GALNT18: variants seen among roughly 807,000 people sequenced by gnomAD.
GALNT18 encodes the protein polypeptide N-acetylgalactosaminyltransferase 18, also known as GalNAc-transferase 18.
Under a neutral mutation model 69.5 loss-of-function variants are expected in GALNT18, and 44 were observed. That is an observed-to-expected ratio of 0.63 (90% CI 0.50 to 0.81). The LOEUF (loss-of-function observed/expected upper bound fraction) is 0.81, where lower values mean the gene tolerates loss of function less well. GALNT18 is among the 40% of genes least tolerant of loss of function. The pLI is 0.00. For synonymous variants in GALNT18, 364 were observed against 318.2 expected, an observed-to-expected ratio of 1.14 and a Z score of -1.53; for missense variants, 715 against 810.0, an observed-to-expected ratio of 0.88 and a Z score of 1.42.
At chr11:11,499,192 A>G (rs1478568568) in intron 1 of GALNT18, among the ~76,000 whole-genome samples, 1 of 152,208 alleles carries the variant, frequency 6.6e-6, no homozygotes, top group Non-Finnish European at 1.5e-5. Context: ...GACGGTCAAC[A>G]TTTAAGACCA....
intron 3 of GALNT18, among the ~76,000 whole-genome samples, chr11:11,401,944 C>A (rs1243714078): frequency 6.6e-6 from 1 of 152,212 alleles, no homozygotes; most frequent in African/African-American, 2.4e-5. Flanking sequence ...TAAGGAAGGG[C>A]TTTACAGAAG....
rs117570537 is a variant in GALNT18 at position 11,343,209 on chromosome 11, G to A, written c.1093-2205C>T. Among the ~76,000 whole-genome samples the A allele has an allele frequency of 1.6e-3, 236 of 152,114 alleles. 5 individuals are homozygous for A. The East Asian group carries it at 0.037, about 24-fold the overall frequency. ...AAATTTCAAAAAAAGTTACCCGGGC[G>A]TGGTGGCACGTGCCTGTAGTCCCAG... On this transcript the variant is annotated intron_variant, in intron 6 of 10. Transcript: ENST00000227756.
chr11:11,333,047 T>C (rs947011070), intron 7 of GALNT18, among the ~76,000 whole-genome samples: 1 of 150,876 alleles, frequency 6.6e-6, no homozygotes, highest in Non-Finnish European at 1.5e-5. Context: ...TGCCGGGCCT[T>C]GTCATCAAGG....
chr11:11,303,088 C>T (rs1469999069), intron 9 of GALNT18, among the ~76,000 whole-genome samples: 1 of 152,200 alleles, frequency 6.6e-6, no homozygotes, highest in Non-Finnish European at 1.5e-5. Context: ...CATCTGGGCA[C>T]TCCCCAGCCC....
At chr11:11,588,676 T>C (rs185754491) in intron 1 of GALNT18, among the ~76,000 whole-genome samples, 41 of 152,342 alleles carry the variant, frequency 2.7e-4, no homozygotes, top group Admixed American at 2.6e-3. Flanking sequence ...TTTAGCTCTG[T>C]TTCCTCTATC....
intron 3 of GALNT18, among the ~76,000 whole-genome samples, chr11:11,417,101 G>T (rs1305763180): frequency 2.0e-5 from 3 of 152,352 alleles, no homozygotes; most frequent in African/African-American, 7.2e-5. Flanking sequence ...ATTCAGGGAA[G>T]TGACTCACCC....
chr11:11,385,449 C>T (rs1854030248), intron 3 of GALNT18, among the ~76,000 whole-genome samples: 1 of 151,436 alleles, frequency 6.6e-6, no homozygotes, highest in Admixed American at 6.6e-5. Flanking sequence ...GCGCTCGCCA[C>T]CACATCCGGC....
intron 3 of GALNT18, among the ~76,000 whole-genome samples, chr11:11,392,858 A>G (rs1365128320): frequency 2.0e-5 from 3 of 152,236 alleles, no homozygotes; most frequent in Non-Finnish European, 2.9e-5. Flanking sequence ...ATGGAGGCTC[A>G]GCAATGCTAA....
rs1239105627 is a variant in GALNT18 at position 11,382,490 on chromosome 11, A to G, written c.596-3226T>C. Reference sequence around the variant, plus strand: ...CATAAACACACACACATACCTGTTCACATATAATATCTCTCAGAACTTCTT... The same window carrying G: ...CATAAACACACACACATACCTGTTCGCATATAATATCTCTCAGAACTTCTT... On this transcript the variant is annotated intron_variant, in intron 3 of 10. Coordinates refer to ENST00000227756, the MANE Select transcript of GALNT18 (RefSeq NM_198516.3). This position sits in a 1 kb window ranked among gnomAD's most constrained non-coding sequence, Gnocchi z 4.3. Among the ~76,000 whole-genome samples the G allele has an allele frequency of 6.6e-6, 1 of 152,202 alleles. No homozygotes were observed. Among genetic ancestry groups the G allele is most frequent in the East Asian group, 1.9e-4 (1 of 5,188 alleles).
intron 1 of GALNT18, among the ~76,000 whole-genome samples, chr11:11,472,429 G>T (rs1242870026): frequency 6.6e-6 from 1 of 152,198 alleles, no homozygotes; most frequent in African/African-American, 2.4e-5. Flanking sequence ...AATTCAAGAT[G>T]GGTATATTCA....
Position 11,452,544 on chromosome 11 carries a change from T to G in GALNT18, c.236-3608A>C, listed in dbSNP as rs555989958. On this transcript the variant is annotated intron_variant, in intron 1 of 10. Coordinates refer to ENST00000227756, the MANE Select transcript of GALNT18 (RefSeq NM_198516.3). Reference sequence around the variant, plus strand: ...GATGCTGACGCCTTCCAGCCCCACATGAAGGCTTTCCATGTCCATAGACAA... The same window carrying G: ...GATGCTGACGCCTTCCAGCCCCACAGGAAGGCTTTCCATGTCCATAGACAA... Among the ~76,000 whole-genome samples the G allele has an allele frequency of 2.4e-4, 36 of 152,328 alleles. 1 individual carries two copies. The highest frequency in any genetic ancestry group is 1.2e-3 in the South Asian group (6 of 4,830).
intron 9 of GALNT18, among the ~76,000 whole-genome samples, chr11:11,324,320 A>C (rs774632626): frequency 1.3e-5 from 2 of 152,232 alleles, no homozygotes; most frequent in Non-Finnish European, 2.9e-5. Context: ...AAAAGAAGTG[A>C]GCATATATGT....
At chr11:11,499,125 A>T (rs924303319) in intron 1 of GALNT18, among the ~76,000 whole-genome samples, 3 of 152,198 alleles carry the variant, frequency 2.0e-5, no homozygotes, top group Non-Finnish European at 4.4e-5. Flanking sequence ...GCAAACTGAT[A>T]ATCAGCTTTA....
rs957478747 is a variant in GALNT18, at chr11:11,541,032, C to T, written c.235+80327G>A. On this transcript the variant is annotated intron_variant, in intron 1 of 10. Coordinates refer to ENST00000227756, the MANE Select transcript of GALNT18 (RefSeq NM_198516.3). The surrounding 1 kb of genome is among the most constrained non-coding windows in gnomAD (Gnocchi z 4.8). Reference sequence around the variant, plus strand: ...AGAAATAGAATTACTTAAAGTGATGCTCCCTTGCTCCTGTTAAAACAGGGG... The same window carrying T: ...AGAAATAGAATTACTTAAAGTGATGTTCCCTTGCTCCTGTTAAAACAGGGG... Among the ~76,000 whole-genome samples the T allele has an allele frequency of 2.2e-4, 33 of 152,184 alleles. No individual in the cohort carries two copies. Among genetic ancestry groups the T allele is most frequent in the African/African-American group, 7.5e-4 (31 of 41,426 alleles).
intron 10 of GALNT18, among the ~76,000 whole-genome samples, chr11:11,290,001 C>T (rs569198438): frequency 1.7e-4 from 26 of 152,258 alleles, no homozygotes; most frequent in African/African-American, 6.0e-4. Context: ...TGGATGACAC[C>T]AAGTCCCCAG....
chr11:11,464,859 C>T (rs1209694820), intron 1 of GALNT18, among the ~76,000 whole-genome samples: 3 of 152,120 alleles, frequency 2.0e-5, no homozygotes, highest in Non-Finnish European at 4.4e-5. Flanking sequence ...TACCTACTTC[C>T]TTGTGGGGTT....
At chr11:11,410,751 C>T (rs777342455) in intron 3 of GALNT18, among the ~76,000 whole-genome samples, 1 of 152,178 alleles carries the variant, frequency 6.6e-6, no homozygotes, top group South Asian at 2.1e-4. Flanking sequence ...TGGCTCAGAA[C>T]TGGTGGCTCC....
intron 1 of GALNT18, among the ~76,000 whole-genome samples, chr11:11,514,055 AGAG>A (rs1225599509): frequency 6.6e-6 from 1 of 152,230 alleles, no homozygotes; most frequent in African/African-American, 2.4e-5. Context: ...TTGTGATTAC[AGAG>A]GAGGAGGCTG....
chr11:11,409,351 C>T (rs564747440), intron 3 of GALNT18, among the ~76,000 whole-genome samples: 5 of 152,150 alleles, frequency 3.3e-5, no homozygotes. Context: ...TCCCACAGGG[C>T]AGGCCCAGCA....
Sources: allele counts gnomAD v4.1 joint callset (sites outside exome capture counted in the v4.1 genomes callset), GRCh38; gene constraint gnomAD v4.1.1; non-coding constraint Gnocchi (gnomAD v3.1); transcripts MANE v1.5; gene names NCBI Gene and HGNC (gene_info 2026-07-23, HGNC 2026-07-21).